Variants in SHANK1 observed in about 807,000 individuals in gnomAD.
SHANK1 encodes SH3 and multiple ankyrin repeat domains 1, also known as SH3 and multiple ankyrin repeat domains protein 1.
A neutral mutation model predicts 165.6 loss-of-function variants in SHANK1; 35 were observed. That is an observed-to-expected ratio of 0.21 (90% CI 0.16 to 0.28). The LOEUF is 0.28. Ranked by LOEUF, SHANK1 falls within the 10% of genes least tolerant of loss-of-function variation. The pLI, the probability that SHANK1 is intolerant of heterozygous loss-of-function variation, is 1.00. For synonymous variants in SHANK1, 1,428 were observed against 1,384.8 expected, an observed-to-expected ratio of 1.03 and a Z score of -0.69; for missense variants, 2,681 against 3,036.4, an observed-to-expected ratio of 0.88 and a Z score of 2.75.
At position 50,702,769 on chromosome 19, in the gene SHANK1, G is replaced by C. The variant is rs1986966982; in HGVS notation, c.1554-109C>G. 7 of 690,414 alleles carry C rather than the reference G, an allele frequency of 1.0e-5. No individual in the cohort carries two copies. The highest frequency in any genetic ancestry group is 1.7e-5 in the Non-Finnish European group (7 of 421,670). 42.8% of individuals were successfully genotyped at this position (690,414 alleles called of 1,614,324 possible). On this transcript the variant is annotated intron_variant, in intron 11 of 23. Transcript: ENST00000293441. This position sits in a 1 kb window ranked among gnomAD's most constrained non-coding sequence, Gnocchi z 5.3. ...GAGGACGGTGCATCAGGGGGGAGGGGGGGTTTCCCAGCACTGGCGTCCTCC... is the reference window on the plus strand; with the variant it reads ...GAGGACGGTGCATCAGGGGGGAGGGCGGGTTTCCCAGCACTGGCGTCCTCC...
At chr19:50,672,467 G>C (rs1348641175) in intron 21 of SHANK1, among the ~76,000 whole-genome samples, 4 of 141,636 alleles carry the variant, frequency 2.8e-5, no homozygotes, top group Non-Finnish European at 4.5e-5. Context: ...AGAATCACTT[G>C]AACCCATGAG....
intron 19 of SHANK1, chr19:50,687,084 T>C (rs751841053): frequency 6.7e-5 from 91 of 1,366,740 alleles, no homozygotes; most frequent in Non-Finnish European, 8.4e-5. Context: ...AGTTAGGACG[T>C]CAGGGGAAGG....
At chr19:50,707,504 C>G (rs1183438764) in intron 8 of SHANK1, among the ~76,000 whole-genome samples, 2 of 152,086 alleles carry the variant, frequency 1.3e-5, no homozygotes, top group East Asian at 3.9e-4. Flanking sequence ...ATGCTACGCC[C>G]AGGGCCACAC....
chr19:50,688,974 G>A lies in SHANK1; in HGVS notation c.2048-6C>T. The A allele has an allele frequency of 6.5e-7, 1 of 1,536,892 alleles. No homozygotes were observed. Among genetic ancestry groups the A allele is most frequent in the Non-Finnish European group, 8.8e-7 (1 of 1,135,018 alleles). On this transcript the variant is annotated splice_polypyrimidine_tract_variant and splice_region_variant and intron_variant, in intron 16 of 23. Coordinates refer to ENST00000293441, the MANE Select transcript of SHANK1 (RefSeq NM_016148.5). The surrounding 1 kb of genome is among the most constrained non-coding windows in gnomAD (Gnocchi z 6.7). ...CTCCTCGATGGGGGTCTGCGCTGCA[G>A]ACAGGGAGGAGCCGGCGGGGTCGGA...
Position 50,666,444 on chromosome 19 carries a change from G to C in SHANK1, c.5516C>G (p.Pro1839Arg). 8.1e-6 allele frequency: 13 copies of C among 1,609,528 alleles called. No homozygotes were observed. Among genetic ancestry groups the C allele is most frequent in the Non-Finnish European group, 1.1e-5 (13 of 1,178,818 alleles). ...CGGTGGGCCCGGGCCCTCCTCCCAG[G>C]GCAGCAGCTTCCGGGGCAGAGAGGA... ...TASSLPRKLL[P>R]WEEGPGPPPP... Residue 1839 changes from proline to arginine, a missense_variant, in exon 23 of 24, where the codon CCC (proline) becomes CGC (arginine). By Grantham distance (103) the Pro-to-Arg change is moderately radical. This residue lies in a region of SHANK1 where 1,713 missense variants were observed against 1,630.2 expected (regional missense o/e 1.05). Transcript: ENST00000293441.
rs1985643140 is a variant in SHANK1 at position 50,668,327 on chromosome 19, G to C, written c.3633C>G (p.Pro1211=). Residue 1211 remains proline (P), a synonymous_variant, in exon 23 of 24, where the codon CCC becomes CCG. Coordinates refer to ENST00000293441, the MANE Select transcript of SHANK1 (RefSeq NM_016148.5). ...GCGAGGCGGGGGTGGGCACGGGCGA[G>C]GGGGACGGGGGCACGGGTGACATGG... The part of the protein sequence containing the change: ...APAMSPVPPS[P]SPVPTPASPS... 3 of 1,270,140 alleles carry C rather than the reference G, an allele frequency of 2.4e-6. No individual in the cohort carries two copies. The highest frequency in any genetic ancestry group is 3.0e-6 in the Non-Finnish European group (3 of 1,010,630). 78.7% of individuals were successfully genotyped at this position (1,270,140 alleles called of 1,614,324 possible). A position where few individuals can be genotyped will look rare whatever the true frequency, so the allele number is the denominator to read the frequency against.
At chr19:50,679,105 G>A (rs997056925) in intron 21 of SHANK1, among the ~76,000 whole-genome samples, 5 of 93,982 alleles carry the variant, frequency 5.3e-5, no homozygotes, top group Admixed American at 1.0e-4. Context: ...AGGGGTCAGG[G>A]TGTGGGGAGG....
chr19:50,695,702 C>A (rs892361808), intron 15 of SHANK1, among the ~76,000 whole-genome samples: 3 of 152,030 alleles, frequency 2.0e-5, no homozygotes, highest in African/African-American at 7.2e-5. Flanking sequence ...GGACACGCAG[C>A]CCACCACCAC....
chr19:50,710,176 G>A (rs974368349), intron 8 of SHANK1, among the ~76,000 whole-genome samples: 6 of 152,180 alleles, frequency 3.9e-5, no homozygotes, highest in Admixed American at 3.3e-4. Context: ...GGCCTGTGTC[G>A]CAGAGCAGGA....
rs2123053403 is a variant in SHANK1, at chr19:50,660,825, G to A, written c.*1140C>T. On this transcript the variant is annotated 3_prime_UTR_variant, in exon 24 of 24. Transcript: ENST00000293441. ...TTCAAACAGAAAGGGGCAAGGGAGTGGGAGCCTGGCAAAGAAGAAGAGAAT... is the reference window on the plus strand; with the variant it reads ...TTCAAACAGAAAGGGGCAAGGGAGTAGGAGCCTGGCAAAGAAGAAGAGAAT... Among the ~76,000 whole-genome samples the A allele has an allele frequency of 6.6e-6, 1 of 151,140 alleles. No individual in the cohort carries two copies. Among genetic ancestry groups the A allele is most frequent in the Middle Eastern group, 3.4e-3 (1 of 294 alleles).
intron 21 of SHANK1, among the ~76,000 whole-genome samples, chr19:50,680,856 T>C (rs1986156559): frequency 6.6e-6 from 1 of 152,098 alleles, no homozygotes; most frequent in Admixed American, 6.5e-5. Flanking sequence ...GGGTTTCACC[T>C]TGTTGGCCAG....
Position 50,702,394 on chromosome 19 carries a change from C to A in SHANK1, c.1747+73G>T. On this transcript the variant is annotated intron_variant, in intron 12 of 23. Coordinates refer to ENST00000293441, the MANE Select transcript of SHANK1 (RefSeq NM_016148.5). The surrounding 1 kb of genome is among the most constrained non-coding windows in gnomAD (Gnocchi z 5.3). Reference sequence around the variant, plus strand: ...ACTCCAGGTGCCCGAGAATGGTCTGCTCTCTGCTCCACATTTTCCCTGATC... The same window carrying A: ...ACTCCAGGTGCCCGAGAATGGTCTGATCTCTGCTCCACATTTTCCCTGATC... The A allele has an allele frequency of 7.2e-7, 1 of 1,381,122 alleles. No individual in the cohort carries two copies. The highest frequency in any genetic ancestry group is 2.2e-5 in the Admixed American group (1 of 45,852). The allele number at this position is 1,381,122 out of a possible 1,614,324, so 85.6% of individuals were successfully genotyped here. A position where few individuals can be genotyped will look rare whatever the true frequency, so the allele number is the denominator to read the frequency against.
intron 15 of SHANK1, among the ~76,000 whole-genome samples, chr19:50,694,204 C>A (rs1468842785): frequency 6.6e-6 from 1 of 152,002 alleles, no homozygotes; most frequent in Non-Finnish European, 1.5e-5. Context: ...CACGCACACA[C>A]ACGCACGCGG....
chr19:50,681,271 G>T (rs562771935), intron 21 of SHANK1, among the ~76,000 whole-genome samples: 1 of 152,256 alleles, frequency 6.6e-6, no homozygotes, highest in Non-Finnish European at 1.5e-5. Context: ...ATGAGAGGGG[G>T]ACCTGGAGAA....
Position 50,688,106 on chromosome 19 carries a change from G to A in SHANK1, c.2173-48C>T. On this transcript the variant is annotated intron_variant, in intron 17 of 23. Coordinates refer to ENST00000293441, the MANE Select transcript of SHANK1 (RefSeq NM_016148.5). This position sits in a 1 kb window ranked among gnomAD's most constrained non-coding sequence, Gnocchi z 6.7. ...TCACACAGAGTAGACGAGGGGAGGG[G>A]TGCTTGCAGCTTCAGAGACCCCAAG... is the stretch of plus-strand genomic sequence containing the variant. 1 of 1,608,788 alleles carries A rather than the reference G, an allele frequency of 6.2e-7. No homozygotes were observed. Among genetic ancestry groups the A allele is most frequent in the Non-Finnish European group, 8.5e-7 (1 of 1,177,778 alleles).
intron 4 of SHANK1, among the ~76,000 whole-genome samples, chr19:50,714,897 G>A (rs745638794): frequency 4.6e-5 from 7 of 151,988 alleles, no homozygotes; most frequent in South Asian, 2.1e-4. Flanking sequence ...CACTCACAGC[G>A]AGTCTTAGTT....
At chr19:50,704,586 G>A (rs765365197) in intron 8 of SHANK1, 72 bp from the exon 9 acceptor site, 185 of 1,345,946 alleles carry the variant, frequency 1.4e-4, no homozygotes, top group Middle Eastern at 3.6e-4. Flanking sequence ...GTGGATGCAG[G>A]TTCTGTGCTA....
chr19:50,677,837 TCTC>T (rs1247454557), intron 21 of SHANK1, among the ~76,000 whole-genome samples: 2 of 152,202 alleles, frequency 1.3e-5, no homozygotes, highest in African/African-American at 4.8e-5. Context: ...ATGCTGCTCT[TCTC>T]TAAGCGCTTC....
At chr19:50,694,306 G>A (rs955718974) in intron 15 of SHANK1, among the ~76,000 whole-genome samples, 1 of 151,768 alleles carries the variant, frequency 6.6e-6, no homozygotes, top group African/African-American at 2.4e-5. Flanking sequence ...AGGAGGGGAG[G>A]GGAAGCCGGG....
Sources: gnomAD v4.1 joint callset for allele counts (sites outside exome capture counted in the v4.1 genomes callset) on GRCh38, gnomAD v4.1.1 for gene constraint, gnomAD v4.1.1 regional missense constraint, Gnocchi (gnomAD v3.1) non-coding constraint, MANE v1.5 for transcripts, NCBI Gene and HGNC (gene_info 2026-07-23, HGNC 2026-07-21) for gene names.